INSC: variants seen among roughly 807,000 people sequenced by gnomAD.
INSC encodes the protein INSC spindle orientation adaptor protein, also known as protein inscuteable homolog.
A neutral mutation model predicts 58.6 loss-of-function variants in INSC; 67 were observed. The observed-to-expected ratio is 1.14, with a 90% CI of 0.94 to 1.40. INSC has a LOEUF of 1.40. Ranked by LOEUF, INSC falls within the 40% of genes most tolerant of loss-of-function variation. The pLI is 0.00. For missense variants in INSC, 714 were observed against 692.0 expected, an observed-to-expected ratio of 1.03 and a Z score of -0.36; for synonymous variants, 262 against 276.1, an observed-to-expected ratio of 0.95 and a Z score of 0.51.
intron 1 of INSC, among the ~76,000 whole-genome samples, chr11:15,127,832 T>G (rs973578283): frequency 2.0e-5 from 3 of 152,070 alleles, no homozygotes; most frequent in African/African-American, 7.2e-5. Context: ...CTGTCTCTAC[T>G]AGAAATGCAA....
intron 1 of INSC, among the ~76,000 whole-genome samples, chr11:15,119,640 G>C (rs1326863404): frequency 6.6e-6 from 1 of 152,196 alleles, no homozygotes; most frequent in African/African-American, 2.4e-5. Context: ...TGTGAAATGT[G>C]GCCTGTGGTT....
intron 1 of INSC, among the ~76,000 whole-genome samples, chr11:15,128,781 C>T (rs1327644713): frequency 1.3e-5 from 2 of 152,200 alleles, no homozygotes; most frequent in Non-Finnish European, 2.9e-5. Flanking sequence ...GGCCCCTGCG[C>T]CCAGCTATGC....
At chr11:15,251,084 T>C (rs576961279), downstream of INSC, among the ~76,000 whole-genome samples, 22 of 152,188 alleles carry the variant, frequency 1.4e-4, no homozygotes, top group Non-Finnish European at 2.9e-4. Flanking sequence ...AGCTCCAGGG[T>C]ATTCTTAAAG....
chr11:15,240,993 A>G (rs1433167582), intron 12 of INSC, among the ~76,000 whole-genome samples: 1 of 152,200 alleles, frequency 6.6e-6, no homozygotes, highest in Non-Finnish European at 1.5e-5. Flanking sequence ...TGGAATAGAA[A>G]GAGAAGGAAC....
At chr11:15,238,114 G>A (rs1456879458) in intron 10 of INSC, among the ~76,000 whole-genome samples, 2 of 151,990 alleles carry the variant, frequency 1.3e-5, no homozygotes, top group Admixed American at 6.6e-5. Flanking sequence ...TAGATGGAGC[G>A]TCAAGAGGGA....
intron 1 of INSC, among the ~76,000 whole-genome samples, chr11:15,129,989 G>C (rs1024829891): frequency 6.6e-6 from 1 of 152,218 alleles, no homozygotes; most frequent in Non-Finnish European, 1.5e-5. Flanking sequence ...TCTTCTGGCT[G>C]TGTGCTGTTA....
intron 7 of INSC, among the ~76,000 whole-genome samples, chr11:15,210,364 GA>G (rs1757419871): frequency 1.2e-5 from 1 of 83,126 alleles, no homozygotes; most frequent in Middle Eastern, 6.2e-3. Flanking sequence ...GCAGGGCTAG[GA>G]ATTCTAGCCT....
Position 15,240,452 on chromosome 11 carries a change from T to C in INSC, c.1399T>C (p.Ser467Pro), listed in dbSNP as rs1190103136. ...TCTCCCTGTGTCTCCTACAGGCATG[T>C]CCCGTCTCATCGAGCTCTGCAGATC... ...AREAVRLSCM[S>P]RLIELCRSPS... Residue 467 changes from serine (S) to proline (P), a missense_variant, in exon 12 of 13, where the codon TCC (serine) becomes CCC (proline). Transcript: ENST00000379556. The C allele has an allele frequency of 6.2e-7, 1 of 1,613,824 alleles. No individual in the cohort carries two copies. Among genetic ancestry groups the C allele is most frequent in the South Asian group, 1.1e-5 (1 of 91,020 alleles).
intron 1 of INSC, among the ~76,000 whole-genome samples, chr11:15,125,591 T>C (rs538969406): frequency 4.7e-4 from 71 of 152,340 alleles, no homozygotes; most frequent in African/African-American, 1.6e-3. Context: ...TCTGTAACCC[T>C]GCCTACATAT....
chr11:15,208,254 A>G (rs1371384896), intron 7 of INSC, among the ~76,000 whole-genome samples: 1 of 152,170 alleles, frequency 6.6e-6, no homozygotes, highest in Non-Finnish European at 1.5e-5. Flanking sequence ...TAGGATTATC[A>G]GCTTCCTCCA....
intron 1 of INSC, among the ~76,000 whole-genome samples, chr11:15,142,644 T>C (rs775572329): frequency 2.0e-5 from 3 of 152,108 alleles, no homozygotes; most frequent in Non-Finnish European, 4.4e-5. Context: ...CACTGATCCG[T>C]CTGTCTGTCC....
intron 2 of INSC, among the ~76,000 whole-genome samples, chr11:15,158,909 T>C (rs1848916073): frequency 6.9e-6 from 1 of 143,956 alleles, no homozygotes; most frequent in Non-Finnish European, 1.5e-5. Flanking sequence ...CTGAGCTCTA[T>C]GAAGGCTGGA....
chr11:15,155,216 G>A (rs1848775029), intron 2 of INSC, among the ~76,000 whole-genome samples: 1 of 152,118 alleles, frequency 6.6e-6, no homozygotes, highest in African/African-American at 2.4e-5. Flanking sequence ...ATGAGTCCAT[G>A]GTTCTACTCC....
upstream of INSC, among the ~76,000 whole-genome samples, chr11:15,112,171 A>T (rs1358484866): frequency 6.6e-6 from 1 of 152,162 alleles, no homozygotes; most frequent in Non-Finnish European, 1.5e-5. Flanking sequence ...CTGTTGGCCC[A>T]AGCCTGGACT....
chr11:15,155,285 C>A (rs1848777363), intron 2 of INSC, among the ~76,000 whole-genome samples: 1 of 152,150 alleles, frequency 6.6e-6, no homozygotes, highest in African/African-American at 2.4e-5. Context: ...TAACTCTTTT[C>A]CTGGGAAACT....
chr11:15,201,241 G>A (rs1040887921), intron 7 of INSC, among the ~76,000 whole-genome samples: 3 of 152,128 alleles, frequency 2.0e-5, no homozygotes, highest in Non-Finnish European at 4.4e-5. Context: ...CATGGTAGGA[G>A]GCAGGCAAGT....
chr11:15,240,754 C>T (rs1852318469), intron 12 of INSC, among the ~76,000 whole-genome samples: 1 of 152,094 alleles, frequency 6.6e-6, no homozygotes, highest in Non-Finnish European at 1.5e-5. Context: ...TGAGAAACTC[C>T]CTCTTCCCTC....
At chr11:15,142,527 C>T (rs934308893) in intron 1 of INSC, among the ~76,000 whole-genome samples, 2 of 152,258 alleles carry the variant, frequency 1.3e-5, no homozygotes, top group Non-Finnish European at 2.9e-5. Context: ...TCACCACCTT[C>T]CATTCTGATC....
intron 8 of INSC, among the ~76,000 whole-genome samples, chr11:15,224,314 A>G (rs577103828): frequency 9.9e-5 from 15 of 152,204 alleles, no homozygotes; most frequent in Non-Finnish European, 2.1e-4. Context: ...GGCACAGTGC[A>G]AGGCCCACTG....
Sources: gnomAD v4.1 joint callset for allele counts (sites outside exome capture counted in the v4.1 genomes callset) on GRCh38, gnomAD v4.1.1 for gene constraint, MANE v1.5 for transcripts, NCBI Gene and HGNC (gene_info 2026-07-23, HGNC 2026-07-21) for gene names.